TXLNA: variants seen among roughly 807,000 people sequenced by gnomAD.
TXLNA encodes the protein taxilin alpha, also known as alpha-taxilin.
TXLNA carries 9 observed loss-of-function variants against 61.4 expected under a neutral mutation model. The ratio of observed to expected loss-of-function variants is 0.15; its 90% CI spans 0.09 to 0.26. The LOEUF is 0.26. Ranked by LOEUF, TXLNA falls within the 10% of genes least tolerant of loss-of-function variation. The pLI is 1.00. For missense variants in TXLNA, 565 were observed against 688.8 expected (o/e 0.82, Z 2.01); for synonymous variants, 257 against 267.7 (o/e 0.96, Z 0.39).
chr1:32,189,784 G>A (rs184274810), intron 5 of TXLNA, among the ~76,000 whole-genome samples: 9 of 152,080 alleles, frequency 5.9e-5, no homozygotes, highest in Middle Eastern at 3.4e-3. Flanking sequence ...CTCGTGATCC[G>A]CCCACCTCAG....
intron 9 of TXLNA, among the ~76,000 whole-genome samples, chr1:32,193,749 G>C (rs1213540440): frequency 6.6e-6 from 1 of 151,642 alleles, no homozygotes; most frequent in Non-Finnish European, 1.5e-5. Flanking sequence ...TAGAGACGGG[G>C]TTTCACCATG....
chr1:32,191,982 C>T lies in TXLNA; in HGVS notation c.964-329C>T, dbSNP rs185968134. On this transcript the variant is annotated intron_variant, in intron 6 of 10. Coordinates refer to ENST00000373610, the MANE Select transcript of TXLNA (RefSeq NM_175852.4). Reference sequence around the variant, plus strand: ...CCATTCTTCCCATTTACAAGAGAATCAGGGACACAGAAGTGAGGGCTTCCA... The same window carrying T: ...CCATTCTTCCCATTTACAAGAGAATTAGGGACACAGAAGTGAGGGCTTCCA... Among the ~76,000 whole-genome samples, 512 of 152,384 alleles carry T rather than the reference C, an allele frequency of 3.4e-3. 5 individuals are homozygous for T. The highest frequency in any genetic ancestry group is 3.3e-3 in the Non-Finnish European group (222 of 68,044).
chr1:32,183,842 T>G (rs578131467), intron 3 of TXLNA, among the ~76,000 whole-genome samples: 1 of 152,234 alleles, frequency 6.6e-6, no homozygotes, highest in East Asian at 1.9e-4. Flanking sequence ...GTTCAAGCGA[T>G]TCTCCTACCT....
At chr1:32,187,137 A>G (rs1025264264) in intron 4 of TXLNA, among the ~76,000 whole-genome samples, 2 of 152,014 alleles carry the variant, frequency 1.3e-5, no homozygotes, top group Non-Finnish European at 2.9e-5. Context: ...CCTGACCTCA[A>G]GTGATCTGCC....
At position 32,197,456 on chromosome 1, in the gene TXLNA, G is replaced by A. The variant is rs1384759741; in HGVS notation, c.*2261G>A. On this transcript the variant is annotated 3_prime_UTR_variant, in exon 11 of 11. Transcript: ENST00000373610. The surrounding 1 kb of genome is among the most constrained non-coding windows in gnomAD (Gnocchi z 4.6). The stretch of plus-strand genomic sequence containing the variant: ...GCTCCATCCATGTCTAGACCTTCAG[G>A]CCAGTCTGCAGATGAGGTTCCCTAC... The A allele has an allele frequency of 1.3e-5, 2 of 152,278 alleles. No individual in the cohort carries two copies. The highest frequency in any genetic ancestry group is 4.8e-5 in the African/African-American group (2 of 41,448). 9.4% of individuals were successfully genotyped at this position (152,278 alleles called of 1,614,324 possible).
rs1318560252 is a variant in TXLNA, at chr1:32,195,881, TATC to T, written c.*689_*691del. On this transcript the variant is annotated 3_prime_UTR_variant, in exon 11 of 11. Transcript: ENST00000373610. ...GGCCAATGATGCTTCTCAGTAGCCT[TATC>T]ATTCACAGGTGCCTCTCTAGCCTGC... 1.9e-5 allele frequency: 8 copies of T among 422,822 alleles called. No individual in the cohort carries two copies. Among genetic ancestry groups the T allele is most frequent in the Non-Finnish European group, 3.3e-5 (7 of 209,318 alleles). The allele number at this position is 422,822 out of a possible 1,614,324, so 26.2% of individuals were successfully genotyped here.
rs1643041509 is a variant in TXLNA at position 32,197,073 on chromosome 1, CTCTG to C, written c.*1883_*1886del. 6.6e-6 allele frequency: 1 copy of C among 152,284 alleles called. No homozygotes were observed. The highest frequency in any genetic ancestry group is 2.4e-5 in the African/African-American group (1 of 41,434). The allele number at this position is 152,284 out of a possible 1,614,324, so 9.4% of individuals were successfully genotyped here. A position where few individuals can be genotyped will look rare whatever the true frequency, so the allele number is the denominator to read the frequency against. On this transcript the variant is annotated 3_prime_UTR_variant, in exon 11 of 11. Transcript: ENST00000373610. This position sits in a 1 kb window ranked among gnomAD's most constrained non-coding sequence, Gnocchi z 4.6. ...GACCTTTTTCTTCCCCTTTGAATCC[CTCTG>C]TCTGGAGTAGTCCTTGCCTCTTCCT...
chr1:32,180,660 CG>C, intron 2 of TXLNA, 146 bp downstream of exon 2: 1 of 1,090,792 alleles, frequency 9.2e-7, no homozygotes, highest in East Asian at 2.6e-5. Context: ...GTCCCCCCTG[CG>C]CTCTGGCGAG....
chr1:32,195,584 C>T lies in TXLNA; in HGVS notation c.*389C>T. On this transcript the variant is annotated 3_prime_UTR_variant, in exon 11 of 11. Coordinates refer to ENST00000373610, the MANE Select transcript of TXLNA (RefSeq NM_175852.4). ...TCAGACCCCTCCCTGCCCTTCAGAG[C>T]TCAAGACAAGTAATACACCCAGGTC... The T allele has an allele frequency of 2.5e-6, 1 of 393,820 alleles. No homozygotes were observed. The highest frequency in any genetic ancestry group is 2.0e-5 in the South Asian group (1 of 49,826). The allele number at this position is 393,820 out of a possible 1,614,324, so 24.4% of individuals were successfully genotyped here. A position where few individuals can be genotyped will look rare whatever the true frequency, so the allele number is the denominator to read the frequency against.
In TXLNA at chr1:32,197,076, T is replaced by C. The variant is rs1486990565; in HGVS notation, c.*1881T>C. The C allele has an allele frequency of 6.6e-6, 1 of 152,314 alleles. No individual in the cohort carries two copies. Among genetic ancestry groups the C allele is most frequent in the Non-Finnish European group, 1.5e-5 (1 of 68,084 alleles). 9.4% of individuals were successfully genotyped at this position (152,314 alleles called of 1,614,324 possible). A position where few individuals can be genotyped will look rare whatever the true frequency, so the allele number is the denominator to read the frequency against. On this transcript the variant is annotated 3_prime_UTR_variant, in exon 11 of 11. Transcript: ENST00000373610. This position sits in a 1 kb window ranked among gnomAD's most constrained non-coding sequence, Gnocchi z 4.6. ...CTTTTTCTTCCCCTTTGAATCCCTC[T>C]GTCTGGAGTAGTCCTTGCCTCTTCC...
In TXLNA at chr1:32,195,591, C is replaced by T. The variant is rs999733095; in HGVS notation, c.*396C>T. On this transcript the variant is annotated 3_prime_UTR_variant, in exon 11 of 11. Coordinates refer to ENST00000373610, the MANE Select transcript of TXLNA (RefSeq NM_175852.4). ...CCTCCCTGCCCTTCAGAGCTCAAGA[C>T]AAGTAATACACCCAGGTCTTGACTG... is the stretch of plus-strand genomic sequence containing the variant. The T allele has an allele frequency of 1.3e-4, 50 of 391,294 alleles. No individual in the cohort carries two copies. Among genetic ancestry groups the T allele is most frequent in the South Asian group, 9.6e-4 (49 of 51,042 alleles). 24.2% of individuals were successfully genotyped at this position (391,294 alleles called of 1,614,324 possible).
intron 5 of TXLNA, among the ~76,000 whole-genome samples, chr1:32,189,744 TA>T (rs756167757): frequency 2.0e-5 from 3 of 152,038 alleles, no homozygotes; most frequent in Non-Finnish European, 4.4e-5. Flanking sequence ...GGTTTCACCA[TA>T]TTGGCCAGGC....
chr1:32,180,460 CCTGCAGTAGAAG>C lies in TXLNA; in HGVS notation c.117_128del (p.Ala40_Ala43del). 1 of 1,612,724 alleles carries C rather than the reference CCTGCAGTAGAAG, an allele frequency of 6.2e-7. No individual in the cohort carries two copies. The highest frequency in any genetic ancestry group is 8.5e-7 in the Non-Finnish European group (1 of 1,179,384). On this transcript the variant is annotated inframe_deletion, in exon 2 of 11. Coordinates refer to ENST00000373610, the MANE Select transcript of TXLNA (RefSeq NM_175852.4). ...CCAGGAGCGGCCCAGCCAGGCGGCT[CCTGCAGTAGAAG>C]CAGAAGGTCCCGGCAGCAGCCAGGC...
chr1:32,191,093 C>CAAAAAAAAAA (rs1159645218), intron 6 of TXLNA, among the ~76,000 whole-genome samples: 6 of 58,694 alleles, frequency 1.0e-4, no homozygotes, highest in African/African-American at 3.9e-4. Flanking sequence ...GACTCCATCT[C>CAAAAAAAAAA]AAAAAAAAAA....
rs1642939071 is a variant in TXLNA at position 32,192,935 on chromosome 1, G to A, written c.1158+204G>A. ...TAGGTGGGCTCAGAGGACTTCATTT[G>A]TAGCTCAGAAATGTATTGCTTTTGA... On this transcript the variant is annotated intron_variant, in intron 8 of 10. Transcript: ENST00000373610. This position sits in a 1 kb window ranked among gnomAD's most constrained non-coding sequence, Gnocchi z 4.2. Among the ~76,000 whole-genome samples, 1 of 152,122 alleles carries A rather than the reference G, an allele frequency of 6.6e-6. No individual in the cohort carries two copies. Among genetic ancestry groups the A allele is most frequent in the South Asian group, 2.1e-4 (1 of 4,836 alleles).
chr1:32,190,035 G>A lies in TXLNA; in HGVS notation c.769-20G>A, dbSNP rs529096734. The A allele has an allele frequency of 3.5e-4, 537 of 1,543,926 alleles. 1 individual carries two copies. The highest frequency in any genetic ancestry group is 4.2e-4 in the Non-Finnish European group (478 of 1,138,570). On this transcript the variant is annotated intron_variant, in intron 5 of 10. Transcript: ENST00000373610. ...GAGGTAGCAGTGGATGATGGCTCTC[G>A]GGCTGACTTCTTTGCCCAGGAAGAA...
At chr1:32,181,094 T>A (rs1330249864) in intron 2 of TXLNA, 148 bp from the exon 3 acceptor site, 1 of 553,476 alleles carries the variant, frequency 1.8e-6, no homozygotes, top group African/African-American at 1.9e-5. Flanking sequence ...TGCTGAATGA[T>A]ACTCCATTCT....
chr1:32,185,964 C>T (rs1041974603), intron 4 of TXLNA, among the ~76,000 whole-genome samples: 2 of 152,156 alleles, frequency 1.3e-5, no homozygotes, highest in Non-Finnish European at 2.9e-5. Context: ...TCCCAAAGTG[C>T]TGGGATTACA....
chr1:32,182,806 A>T (rs1384223715), intron 3 of TXLNA, among the ~76,000 whole-genome samples: 2 of 149,828 alleles, frequency 1.3e-5, no homozygotes, highest in African/African-American at 4.9e-5. Context: ...AGTGGCTCAC[A>T]CCTGTAACTC....
Sources: allele counts gnomAD v4.1 joint callset (sites outside exome capture counted in the v4.1 genomes callset), GRCh38; gene constraint gnomAD v4.1.1; non-coding constraint Gnocchi (gnomAD v3.1); transcripts MANE v1.5; gene names NCBI Gene and HGNC (gene_info 2026-07-23, HGNC 2026-07-21).